The following IQSEC3 variants were observed in gnomAD, a reference collection of about 807,000 sequenced individuals.
IQSEC3 encodes the protein IQ motif and Sec7 domain ArfGEF 3.
IQSEC3 carries 50 observed loss-of-function variants against 105.4 expected under a neutral mutation model. That is an observed-to-expected ratio of 0.47 (90% CI 0.38 to 0.60). The LOEUF (loss-of-function observed/expected upper bound fraction) is 0.60. IQSEC3 is among the 20% of genes least tolerant of loss of function. The pLI is 0.00. For synonymous variants in IQSEC3, 708 were observed against 746.0 expected (o/e 0.95, Z 0.83); for missense variants, 1,415 against 1,630.0 (o/e 0.87, Z 2.27).
Position 77,037 on chromosome 12 carries a change from T to G in IQSEC3, c.554+9601T>G, listed in dbSNP as rs74938440. On this transcript the variant is annotated intron_variant, in intron 1 of 13. Transcript: ENST00000538872. The stretch of plus-strand genomic sequence containing the variant: ...TCAATGCATCAAATCAACCAATGAT[T>G]ATTTAAAAACAGCAGCTACAAAAAC... Among the ~76,000 whole-genome samples the G allele has an allele frequency of 9.3e-3, 1,409 of 151,990 alleles. 16 individuals carry two copies. The highest frequency in any genetic ancestry group is 0.033 in the African/African-American group (1,348 of 41,244).
At chr12:123,833 C>T (rs1177167051) in intron 2 of IQSEC3, among the ~76,000 whole-genome samples, 1 of 152,184 alleles carries the variant, frequency 6.6e-6, no homozygotes, top group Non-Finnish European at 1.5e-5. Context: ...GCCACCCCAC[C>T]ACCCTGGGCC....
At chr12:77,947 A>G (rs1364847483) in intron 1 of IQSEC3, among the ~76,000 whole-genome samples, 2 of 150,544 alleles carry the variant, frequency 1.3e-5, no homozygotes, top group African/African-American at 4.9e-5. Flanking sequence ...CTCCCGGCCC[A>G]CGCGCCCCCT....
At chr12:133,354 C>G (rs1374835153) in intron 3 of IQSEC3, among the ~76,000 whole-genome samples, 1 of 152,126 alleles carries the variant, frequency 6.6e-6, no homozygotes, top group Non-Finnish European at 1.5e-5. Flanking sequence ...GGTTTTGTGG[C>G]CAGAATACAG....
chr12:170,977 G>T, intron 12 of IQSEC3, 135 bp from the exon 13 acceptor site: 1 of 1,036,264 alleles, frequency 9.7e-7, no homozygotes, highest in Non-Finnish European at 1.4e-6. Context: ...GCAGAGTGGG[G>T]CTCCCAACCT....
intron 1 of IQSEC3, among the ~76,000 whole-genome samples, chr12:95,533 A>G (rs1555074591): frequency 6.6e-6 from 1 of 152,212 alleles, no homozygotes; most frequent in African/African-American, 2.4e-5. Context: ...TTGTCAGTCA[A>G]CATTTTACCC....
At chr12:117,664 A>G (rs1555080968) in intron 2 of IQSEC3, among the ~76,000 whole-genome samples, 1 of 152,218 alleles carries the variant, frequency 6.6e-6, no homozygotes. Flanking sequence ...GGAACACTCT[A>G]GAGACAAGCC....
At position 125,734 on chromosome 12, in the gene IQSEC3, A is replaced by C; in HGVS notation, c.725A>C (p.Gln242Pro). The C allele has an allele frequency of 6.6e-7, 1 of 1,526,016 alleles. No individual in the cohort carries two copies. The highest frequency in any genetic ancestry group is 8.7e-7 in the Non-Finnish European group (1 of 1,145,782). 94.5% of individuals were successfully genotyped at this position (1,526,016 alleles called of 1,614,324 possible). Residue 242 changes from glutamine to proline, a missense_variant, in exon 3 of 14, where the codon CAA becomes CCA. Around this residue, in one of 6 missense-constraint regions of IQSEC3, gnomAD observed 720 missense variants for 633.0 expected, o/e 1.14. Coordinates refer to ENST00000538872, the MANE Select transcript of IQSEC3 (RefSeq NM_001170738.2). ...CCCAGTGCCCATGCCCCGAAGGCTC[A>C]AGCCCAGGAGCTGCAGGAGGAGGAG... ...GRPSAHAPKAQAQELQEEEER... is the reference protein window; with the variant it reads ...GRPSAHAPKAPAQELQEEEER...
At chr12:103,493 C>CAGGCAGGAGAGGT (rs1565397025) in intron 2 of IQSEC3, among the ~76,000 whole-genome samples, 1 of 10,998 alleles carries the variant, frequency 9.1e-5, no homozygotes. Flanking sequence ...AGGCGGGGCT[C>CAGGCAGGAGAGGT]GGGGGGTAGG....
intron 2 of IQSEC3, among the ~76,000 whole-genome samples, chr12:124,026 G>A (rs1555082499): frequency 6.6e-6 from 1 of 152,130 alleles, no homozygotes; most frequent in Non-Finnish European, 1.5e-5. Flanking sequence ...GCATGAAGGG[G>A]CTGGGGGACG....
At position 67,312 on chromosome 12, in the gene IQSEC3, A is replaced by C; in HGVS notation, c.430A>C (p.Thr144Pro). The C allele has an allele frequency of 1.9e-6, 3 of 1,598,438 alleles. No homozygotes were observed. The highest frequency in any genetic ancestry group is 2.5e-6 in the Non-Finnish European group (3 of 1,179,586). The change falls in exon 1 of 14, where the codon ACA becomes CCA. Residue 144 changes from threonine to proline, a missense_variant. By Grantham distance (38) the Thr-to-Pro change is conservative. This residue lies in a region of IQSEC3 where 26 missense variants were observed against 108.1 expected (regional missense o/e 0.24). Coordinates refer to ENST00000538872, the MANE Select transcript of IQSEC3 (RefSeq NM_001170738.2). ...CCAGTCGCCCCACAAGCATCTGGGG[A>C]CACAAGGGGCCGTGACTGACAAGGA... ...TPQSPHKHLG[T>P]QGAVTDKEKE...
At chr12:129,776 C>G (rs992122947) in intron 3 of IQSEC3, among the ~76,000 whole-genome samples, 1 of 152,116 alleles carries the variant, frequency 6.6e-6, no homozygotes, top group African/African-American at 2.4e-5. Context: ...CCCTGCTCCC[C>G]GAGCCGGGTC....
intron 2 of IQSEC3, among the ~76,000 whole-genome samples, chr12:108,318 A>G (rs1864751657): frequency 6.6e-6 from 1 of 152,252 alleles, no homozygotes; most frequent in African/African-American, 2.4e-5. Flanking sequence ...ATCTGGAAAT[A>G]GCATATACAG....
chr12:125,597 C>A (rs782462155), intron 2 of IQSEC3, 36 bp from the exon 3 acceptor site: 1 of 1,466,672 alleles, frequency 6.8e-7, no homozygotes, highest in Non-Finnish European at 8.9e-7. Context: ...CTGTCGCCCT[C>A]TCCCCCAACC....
At chr12:170,941 C>T (rs1003091757) in intron 12 of IQSEC3, among the ~76,000 whole-genome samples, 171 bp from the exon 13 acceptor site, 2 of 152,216 alleles carry the variant, frequency 1.3e-5, no homozygotes, top group Non-Finnish European at 2.9e-5. Context: ...TGTAGCATCT[C>T]GCCCAGGTCA....
intron 3 of IQSEC3, among the ~76,000 whole-genome samples, chr12:133,065 G>A (rs937090414): frequency 6.6e-6 from 1 of 152,156 alleles, no homozygotes; most frequent in South Asian, 2.1e-4. Context: ...CTTGCTCACT[G>A]GCCCATCAAA....
intron 1 of IQSEC3, among the ~76,000 whole-genome samples, chr12:74,487 C>A (rs1863441967): frequency 1.3e-5 from 2 of 152,264 alleles, no homozygotes; most frequent in South Asian, 2.1e-4. Flanking sequence ...GGGTGGAGGG[C>A]AGACTGTTTT....
chr12:131,012 G>C (rs1230725238), intron 3 of IQSEC3, among the ~76,000 whole-genome samples: 1 of 47,432 alleles, frequency 2.1e-5, no homozygotes, highest in Admixed American at 1.7e-4. Flanking sequence ...CCCCCAGCTA[G>C]CGGCTCTTCC....
chr12:145,012 T>G (rs1219418564), intron 5 of IQSEC3, among the ~76,000 whole-genome samples: 2 of 152,200 alleles, frequency 1.3e-5, no homozygotes, highest in African/African-American at 4.8e-5. Flanking sequence ...TTAAATATTT[T>G]TGTAGCGATG....
At chr12:81,443 G>A (rs577816548) in intron 1 of IQSEC3, among the ~76,000 whole-genome samples, 1 of 152,348 alleles carries the variant, frequency 6.6e-6, no homozygotes, top group Admixed American at 6.5e-5. Flanking sequence ...CCAGGTAAGA[G>A]ATGCTAGTAG....
Sources: allele counts gnomAD v4.1 joint callset (sites outside exome capture counted in the v4.1 genomes callset), GRCh38; gene constraint gnomAD v4.1.1; regional missense constraint gnomAD v4.1.1; transcripts MANE v1.5; gene names NCBI Gene and HGNC (gene_info 2026-07-23, HGNC 2026-07-21).